Variants in SEMA5A observed in about 807,000 individuals in gnomAD.
SEMA5A encodes the protein semaphorin-5A.
A neutral mutation model predicts 135.5 loss-of-function variants in SEMA5A; 55 were observed. That is an observed-to-expected ratio of 0.41 (90% confidence interval 0.33 to 0.51). SEMA5A has a LOEUF of 0.51. Ranked by LOEUF, SEMA5A falls within the 20% of genes least tolerant of loss-of-function variation. The pLI is 0.37. For synonymous variants in SEMA5A, 580 were observed against 546.5 expected (o/e 1.06, Z -0.85); for missense variants, 1,290 against 1,419.9 (o/e 0.91, Z 1.47).
intron 2 of SEMA5A, among the ~76,000 whole-genome samples, chr5:9,390,545 G>T (rs1561213671): frequency 1.3e-5 from 2 of 152,036 alleles, no homozygotes. Flanking sequence ...TAGCAGAAAG[G>T]CTTCTGATCT....
At chr5:9,336,287 A>C (rs2150715779) in intron 4 of SEMA5A, among the ~76,000 whole-genome samples, 1 of 152,304 alleles carries the variant, frequency 6.6e-6, no homozygotes. Context: ...TCTGGAAGGG[A>C]AGTGGGAATG....
intron 2 of SEMA5A, among the ~76,000 whole-genome samples, chr5:9,392,226 C>T (rs1319913413): frequency 6.6e-6 from 1 of 152,152 alleles, no homozygotes; most frequent in African/African-American, 2.4e-5. Context: ...TTATCTTCTT[C>T]ACATCACTTA....
chr5:9,539,129 C>T (rs1160643437), intron 1 of SEMA5A, among the ~76,000 whole-genome samples: 1 of 152,212 alleles, frequency 6.6e-6, no homozygotes, highest in East Asian at 1.9e-4. Flanking sequence ...GTTCCCACTG[C>T]TAGCCCGAGG....
chr5:9,292,791 T>C (rs1389543753), intron 5 of SEMA5A, among the ~76,000 whole-genome samples: 1 of 152,178 alleles, frequency 6.6e-6, no homozygotes, highest in Non-Finnish European at 1.5e-5. Context: ...GGTGCGATTT[T>C]GCACCCCAGG....
chr5:9,197,341 C>T (rs370359510), intron 9 of SEMA5A, 38 bp from the exon 10 acceptor site: 2 of 1,600,642 alleles, frequency 1.2e-6, no homozygotes, highest in Non-Finnish European at 1.7e-6. Flanking sequence ...AGTCAGAGAG[C>T]TCGGCAGCAC....
At chr5:9,133,781 TTTC>T (rs1741570651) in intron 13 of SEMA5A, among the ~76,000 whole-genome samples, 1 of 71,982 alleles carries the variant, frequency 1.4e-5, no homozygotes. Flanking sequence ...CTTTTCTTTC[TTTC>T]TTTTTTTTTT....
chr5:9,231,776 A>AT (rs1191075797), intron 6 of SEMA5A, among the ~76,000 whole-genome samples: 1 of 152,126 alleles, frequency 6.6e-6, no homozygotes, highest in East Asian at 1.9e-4. Flanking sequence ...TCATCTAAGA[A>AT]TTTTTTCTTC....
At chr5:9,476,929 A>T (rs562290211) in intron 1 of SEMA5A, among the ~76,000 whole-genome samples, 27 of 152,194 alleles carry the variant, frequency 1.8e-4, no homozygotes, top group African/African-American at 4.1e-4. Context: ...TAAAAAAAAA[A>T]AAATAGCCAT....
chr5:9,051,762 A>C, intron 20 of SEMA5A, 111 bp downstream of exon 20: 1 of 1,326,794 alleles, frequency 7.5e-7, no homozygotes, highest in South Asian at 1.3e-5. Flanking sequence ...GGCTTGATGG[A>C]ATCATCTCTA....
rs1738373156 is a variant in SEMA5A at position 9,545,999 on chromosome 5, C to T, written c.-590G>A. On this transcript the variant is annotated 5_prime_UTR_variant, in exon 1 of 23. Coordinates refer to ENST00000382496, the MANE Select transcript of SEMA5A (RefSeq NM_003966.3). The surrounding 1 kb of genome is among the most constrained non-coding windows in gnomAD (Gnocchi z 4.5). ...GCGGCTGGCCTGAGGCTGCGAAGCC[C>T]ACCCGCGGCGGGAAAGCAGCGCTCG... is the stretch of plus-strand genomic sequence containing the variant. 1.3e-5 allele frequency: 2 copies of T among 152,208 alleles called. No individual in the cohort carries two copies. The highest frequency in any genetic ancestry group is 2.9e-5 in the Non-Finnish European group (2 of 68,088). 9.4% of individuals were successfully genotyped at this position (152,208 alleles called of 1,614,324 possible). A position where few individuals can be genotyped will look rare whatever the true frequency, so the allele number is the denominator to read the frequency against.
intron 2 of SEMA5A, among the ~76,000 whole-genome samples, chr5:9,396,839 T>A (rs1266083794): frequency 1.3e-5 from 2 of 152,182 alleles, no homozygotes; most frequent in African/African-American, 4.8e-5. Flanking sequence ...TCTGTGAGCA[T>A]AAACCTTTTC....
chr5:9,133,890 C>T (rs537170038), intron 13 of SEMA5A, among the ~76,000 whole-genome samples: 18 of 151,004 alleles, frequency 1.2e-4, no homozygotes, highest in African/African-American at 4.4e-4. Flanking sequence ...CAAACTGTAA[C>T]CCCCACATGT....
At chr5:9,421,405 G>A (rs1757463130) in intron 2 of SEMA5A, among the ~76,000 whole-genome samples, 1 of 152,122 alleles carries the variant, frequency 6.6e-6, no homozygotes, top group South Asian at 2.1e-4. Flanking sequence ...TTGGGAGAGA[G>A]GAAAGGAAGC....
intron 16 of SEMA5A, among the ~76,000 whole-genome samples, chr5:9,092,342 G>A (rs1739081209): frequency 6.6e-6 from 1 of 152,176 alleles, no homozygotes; most frequent in African/African-American, 2.4e-5. Context: ...CTCAAATATT[G>A]GAATTCGCAC....
chr5:9,488,301 A>G (rs1344753658), intron 1 of SEMA5A, among the ~76,000 whole-genome samples: 2 of 151,960 alleles, frequency 1.3e-5, no homozygotes, highest in African/African-American at 4.8e-5. Context: ...CTACACATGA[A>G]CCCAGATGAA....
intron 1 of SEMA5A, among the ~76,000 whole-genome samples, chr5:9,456,827 T>C (rs1030990516): frequency 1.3e-5 from 2 of 152,170 alleles, no homozygotes; most frequent in African/African-American, 4.8e-5. Context: ...TGCCATTCAA[T>C]GAGGTGTTTA....
At chr5:9,540,750 C>T (rs887217748) in intron 1 of SEMA5A, among the ~76,000 whole-genome samples, 1 of 152,214 alleles carries the variant, frequency 6.6e-6, no homozygotes, top group African/African-American at 2.4e-5. Flanking sequence ...GAAGCGTTCT[C>T]TTTCCACAGC....
chr5:9,189,625 C>T (rs938595548), intron 11 of SEMA5A, among the ~76,000 whole-genome samples: 2 of 152,136 alleles, frequency 1.3e-5, no homozygotes, highest in Admixed American at 1.3e-4. Flanking sequence ...AGGACAAGCC[C>T]ACAGAGCTCA....
chr5:9,151,393 T>C (rs1021764178), intron 12 of SEMA5A, among the ~76,000 whole-genome samples: 2 of 152,226 alleles, frequency 1.3e-5, no homozygotes, highest in African/African-American at 4.8e-5. Flanking sequence ...TGAGATTCTA[T>C]GATGGAAAGT....
Sources: allele counts gnomAD v4.1 joint callset (sites outside exome capture counted in the v4.1 genomes callset), GRCh38; gene constraint gnomAD v4.1.1; non-coding constraint Gnocchi (gnomAD v3.1); transcripts MANE v1.5; gene names NCBI Gene and HGNC (gene_info 2026-07-23, HGNC 2026-07-21).